CACUL1: variants seen among roughly 807,000 people sequenced by gnomAD.
The protein encoded by CACUL1 is CDK2-associated and cullin domain-containing protein 1.
A neutral mutation model predicts 45.2 loss-of-function variants in CACUL1; 13 were observed. The ratio of observed to expected loss-of-function variants is 0.29; its 90% confidence interval spans 0.19 to 0.46. CACUL1 has a LOEUF of 0.46. CACUL1 is among the 20% of genes least tolerant of loss of function. The pLI is 1.00. For missense variants in CACUL1, 421 were observed against 471.4 expected (o/e 0.89, Z 0.99); for synonymous variants, 197 against 174.2 (o/e 1.13, Z -1.03).
chr10:118,686,426 G>A (rs887764644), intron 8 of CACUL1, among the ~76,000 whole-genome samples, 172 bp downstream of exon 8: 2 of 152,112 alleles, frequency 1.3e-5, no homozygotes, highest in Non-Finnish European at 1.5e-5. Context: ...GAGAACCATC[G>A]CTACCAGCTG....
chr10:118,739,943 G>A (rs1845776799), intron 1 of CACUL1, among the ~76,000 whole-genome samples: 1 of 152,180 alleles, frequency 6.6e-6, no homozygotes, highest in South Asian at 2.1e-4. Context: ...TCAGGAGTTA[G>A]AGACCAGCCT....
intron 1 of CACUL1, 66 bp downstream of exon 1, chr10:118,754,330 G>A (rs1187237439): frequency 2.1e-6 from 3 of 1,435,576 alleles, no homozygotes; most frequent in South Asian, 1.5e-5. Context: ...TTCTCCAAGA[G>A]GGGGTGGATT....
chr10:118,750,098 G>A (rs573625550), intron 1 of CACUL1, among the ~76,000 whole-genome samples: 3 of 152,246 alleles, frequency 2.0e-5, no homozygotes, highest in South Asian at 2.1e-4. Context: ...AGGCCAAGGC[G>A]GGTGGATGAC....
At position 118,678,045 on chromosome 10, in the gene CACUL1, A is replaced by G. The variant is rs543310474; in HGVS notation, c.*8083T>C. 1 of 152,350 alleles carries G rather than the reference A, an allele frequency of 6.6e-6. No homozygotes were observed. Among genetic ancestry groups the G allele is most frequent in the South Asian group, 2.1e-4 (1 of 4,826 alleles). The allele number at this position is 152,350 out of a possible 1,614,324, so 9.4% of individuals were successfully genotyped here. On this transcript the variant is annotated 3_prime_UTR_variant, in exon 9 of 9. Coordinates refer to ENST00000369151, the MANE Select transcript of CACUL1 (RefSeq NM_153810.5). Reference sequence around the variant, plus strand: ...AGTTGTCAGCAAGGAAATGGTATCTATGCTTTTAATGTGCATTACCTGACG... The same window carrying G: ...AGTTGTCAGCAAGGAAATGGTATCTGTGCTTTTAATGTGCATTACCTGACG...
At chr10:118,738,994 G>A (rs919272149) in intron 1 of CACUL1, among the ~76,000 whole-genome samples, 1 of 149,208 alleles carries the variant, frequency 6.7e-6, no homozygotes, top group South Asian at 2.1e-4. Context: ...TCAGGAGATA[G>A]AGTCTCCTGG....
intron 1 of CACUL1, among the ~76,000 whole-genome samples, chr10:118,741,146 T>A (rs1344846613): frequency 1.3e-5 from 2 of 152,082 alleles, no homozygotes; most frequent in Admixed American, 6.6e-5. Context: ...GGTCCAGGAA[T>A]GGGAAGGGGT....
intron 6 of CACUL1, chr10:118,694,848 A>G (rs1343158715): frequency 3.8e-6 from 1 of 263,132 alleles, no homozygotes; most frequent in African/African-American, 2.2e-5. Context: ...GGAAGTAAAG[A>G]AGAAACTAAG....
At chr10:118,703,942 G>C (rs1057097998) in intron 4 of CACUL1, among the ~76,000 whole-genome samples, 1 of 151,666 alleles carries the variant, frequency 6.6e-6, no homozygotes, top group South Asian at 2.1e-4. Flanking sequence ...GCAAACTTTT[G>C]TCTTATATTT....
chr10:118,693,810 C>T, intron 6 of CACUL1: 2 of 440,174 alleles, frequency 4.5e-6, no homozygotes, highest in Non-Finnish European at 4.5e-6. Flanking sequence ...CTACTTTATA[C>T]AAGTAATTTC....
rs1267814944 is a variant in CACUL1 at position 118,680,195 on chromosome 10, G to C, written c.*5933C>G. 6.6e-6 allele frequency: 1 copy of C among 152,028 alleles called. No individual in the cohort carries two copies. Among genetic ancestry groups the C allele is most frequent in the Non-Finnish European group, 1.5e-5 (1 of 67,994 alleles). 9.4% of individuals were successfully genotyped at this position (152,028 alleles called of 1,614,324 possible). Reference sequence around the variant, plus strand: ...AGGTATTTTAGAATTTTAGATAATTGAGAAACAGGCCAATCGAAGAAATAA... The same window carrying C: ...AGGTATTTTAGAATTTTAGATAATTCAGAAACAGGCCAATCGAAGAAATAA... On this transcript the variant is annotated 3_prime_UTR_variant, in exon 9 of 9. Coordinates refer to ENST00000369151, the MANE Select transcript of CACUL1 (RefSeq NM_153810.5).
At position 118,678,619 on chromosome 10, in the gene CACUL1, GTT is replaced by G. The variant is rs71942578; in HGVS notation, c.*7507_*7508del. The G allele has an allele frequency of 6.7e-6, 1 of 149,704 alleles. No individual in the cohort carries two copies. The highest frequency in any genetic ancestry group is 1.5e-5 in the Non-Finnish European group (1 of 67,190). The allele number at this position is 149,704 out of a possible 1,614,324, so 9.3% of individuals were successfully genotyped here. On this transcript the variant is annotated 3_prime_UTR_variant, in exon 9 of 9. Transcript: ENST00000369151. ...CTCTACACTTATTTAGGTCCATTAA[GTT>G]TTTTTTTTATCATTTTCTCATTTTA...
intron 3 of CACUL1, among the ~76,000 whole-genome samples, chr10:118,715,712 G>A (rs796781972): frequency 1.8e-4 from 27 of 151,788 alleles, no homozygotes; most frequent in African/African-American, 6.5e-4. Context: ...CCCCATCCTC[G>A]TCCCCAGCCA....
rs368479009 is a variant in CACUL1, at chr10:118,691,357, G to A, written c.933C>T (p.Asn311=). ...APTLFSKFIP[N]ILPPAVESEL... ...CAGATTCCACCGCCGGAGGGAGAAT[G>A]TTTGGAATAAATTTAGAAAATAGAG... The change falls in exon 7 of 9, where the codon AAC becomes AAT. Residue 311 remains asparagine, a synonymous_variant. Coordinates refer to ENST00000369151, the MANE Select transcript of CACUL1 (RefSeq NM_153810.5). 6.8e-6 allele frequency: 11 copies of A among 1,612,706 alleles called. No individual in the cohort carries two copies. In the African/African-American group the frequency reaches 1.3e-4, roughly 20 times the overall value.
At chr10:118,687,316 C>A (rs76599689) in intron 7 of CACUL1, among the ~76,000 whole-genome samples, 14,508 of 152,218 alleles carry the variant, frequency 0.095, 741 homozygotes, top group Admixed American at 0.15. Context: ...CTCCTCATCA[C>A]CATGTCCATT....
intron 6 of CACUL1, chr10:118,692,956 T>C (rs1415009296): frequency 6.6e-6 from 1 of 152,132 alleles, no homozygotes; most frequent in Non-Finnish European, 1.5e-5. Context: ...CCAGCTCAAA[T>C]ATGGCTTCAC....
chr10:118,729,366 A>G lies in CACUL1; in HGVS notation c.526T>C (p.Ser176Pro). The G allele has an allele frequency of 1.2e-6, 2 of 1,612,320 alleles. No homozygotes were observed. Among genetic ancestry groups the G allele is most frequent in the Non-Finnish European group, 1.7e-6 (2 of 1,179,796 alleles). The change falls in exon 3 of 9, where the codon TCG becomes CCG. Residue 176 changes from serine (S) to proline (P), a missense_variant. Ser to Pro is a moderately conservative substitution (Grantham distance 74, BLOSUM62 -1). This residue lies in a region of CACUL1 where 208 missense variants were observed against 298.4 expected (regional missense o/e 0.70). Coordinates refer to ENST00000369151, the MANE Select transcript of CACUL1 (RefSeq NM_153810.5). ...CVYKCVCQQH[S>P]EQMYSDLIKK... ...ATCAGATCACTATACATCTGTTCCG[A>G]GTGCTGCTGGCATACACATTTATAC...
chr10:118,754,518 G>A lies in CACUL1; in HGVS notation c.245C>T (p.Pro82Leu). 1.2e-6 allele frequency: 2 copies of A among 1,613,166 alleles called. No individual in the cohort carries two copies. Among genetic ancestry groups the A allele is most frequent in the African/African-American group, 1.3e-5 (1 of 74,966 alleles). Residue 82 changes from proline to leucine, a missense_variant, in exon 1 of 9, where the codon CCG becomes CTG. Transcript: ENST00000369151. ...EGLPMGPQPPPEANGVIMMLK... is the reference protein window; with the variant it reads ...EGLPMGPQPPLEANGVIMMLK... ...CATCATGATCACCCCATTAGCCTCCGGCGGTGGCTGCGGCCCCATCGGGAG... is the reference window on the plus strand; with the variant it reads ...CATCATGATCACCCCATTAGCCTCCAGCGGTGGCTGCGGCCCCATCGGGAG...
intron 4 of CACUL1, among the ~76,000 whole-genome samples, chr10:118,702,149 G>A (rs1447503813): frequency 6.6e-6 from 1 of 152,156 alleles, no homozygotes; most frequent in African/African-American, 2.4e-5. Context: ...CCTGGGCCGA[G>A]CACCTTGTGA....
intron 1 of CACUL1, 119 bp downstream of exon 1, chr10:118,754,277 G>C (rs1231294185): frequency 1.6e-5 from 22 of 1,380,232 alleles, no homozygotes; most frequent in Admixed American, 6.3e-5. Context: ...GGCGGACGGG[G>C]AGAAGAGGAA....
Sources: allele counts gnomAD v4.1 joint callset (sites outside exome capture counted in the v4.1 genomes callset), GRCh38; gene constraint gnomAD v4.1.1; regional missense constraint gnomAD v4.1.1; transcripts MANE v1.5; gene names NCBI Gene and HGNC (gene_info 2026-07-23, HGNC 2026-07-21).